RAD51B: variants seen among roughly 807,000 people sequenced by gnomAD.
RAD51B encodes DNA repair protein RAD51 homolog 2.
RAD51B carries 38 observed loss-of-function variants against 42.2 expected under a neutral mutation model. The observed-to-expected ratio is 0.90, with a 90% confidence interval of 0.70 to 1.18. RAD51B has a LOEUF of 1.18. Among genes scored for constraint, RAD51B ranks in the 50% most tolerant of loss-of-function variants. The pLI is 0.00. For synonymous variants in RAD51B, 154 were observed against 145.2 expected, an observed-to-expected ratio of 1.06 and a Z score of -0.43; for missense variants, 373 against 400.7, an observed-to-expected ratio of 0.93 and a Z score of 0.59.
intron 7 of RAD51B, among the ~76,000 whole-genome samples, chr14:68,009,024 T>TA (rs1566575667): frequency 1.3e-5 from 2 of 151,980 alleles, no homozygotes; most frequent in South Asian, 2.1e-4. Context: ...TGATACATTT[T>TA]TAAAAAACTA....
At chr14:68,443,581 T>G (rs2085351932) in intron 9 of RAD51B, among the ~76,000 whole-genome samples, 1 of 152,168 alleles carries the variant, frequency 6.6e-6, no homozygotes, top group Non-Finnish European at 1.5e-5. Flanking sequence ...CCAGGGAATC[T>G]AAGATTCCCT....
chr14:68,262,895 A>G (rs2080917296), intron 7 of RAD51B, among the ~76,000 whole-genome samples: 1 of 152,176 alleles, frequency 6.6e-6, no homozygotes, highest in Admixed American at 6.5e-5. Flanking sequence ...TCTCTTCATC[A>G]AACCTAAGTA....
At chr14:67,846,578 C>G (rs1310452415) in intron 4 of RAD51B, among the ~76,000 whole-genome samples, 1 of 152,102 alleles carries the variant, frequency 6.6e-6, no homozygotes, top group Non-Finnish European at 1.5e-5. Context: ...GGAGGCTGCT[C>G]TACTGGAGCT....
chr14:68,129,388 A>G (rs1205615973), intron 7 of RAD51B, among the ~76,000 whole-genome samples: 9 of 152,188 alleles, frequency 5.9e-5, no homozygotes, highest in African/African-American at 2.2e-4. Context: ...TTCTTTAACT[A>G]GAGAATAATT....
At chr14:68,310,607 A>C (rs1444033446) in intron 8 of RAD51B, among the ~76,000 whole-genome samples, 1 of 152,156 alleles carries the variant, frequency 6.6e-6, no homozygotes, top group African/African-American at 2.4e-5. Context: ...GCACTTTGGG[A>C]GGCCGAGGTG....
chr14:68,521,980 G>A (rs921112078), intron 10 of RAD51B, among the ~76,000 whole-genome samples: 1 of 152,216 alleles, frequency 6.6e-6, no homozygotes, highest in Non-Finnish European at 1.5e-5. Flanking sequence ...ACGCTATAAG[G>A]TTGGGTCGGT....
At chr14:67,833,330 C>A (rs1349225772) in intron 3 of RAD51B, among the ~76,000 whole-genome samples, 1 of 152,042 alleles carries the variant, frequency 6.6e-6, no homozygotes, top group Non-Finnish European at 1.5e-5. Context: ...GAGCTGAGAT[C>A]GCATCACTGC....
chr14:68,468,144 AC>A, intron 9 of RAD51B, 27 bp from the exon 10 acceptor site: 7 of 1,599,584 alleles, frequency 4.4e-6, no homozygotes, highest in Non-Finnish European at 5.1e-6. Flanking sequence ...CCTTTGACTA[AC>A]CCTAGAAAAA....
intron 4 of RAD51B, among the ~76,000 whole-genome samples, chr14:67,844,421 T>C (rs1207619841): frequency 2.0e-5 from 3 of 151,902 alleles, no homozygotes; most frequent in Non-Finnish European, 4.4e-5. Context: ...TCTGTCTTAA[T>C]GATCTGTCTT....
At chr14:68,363,938 T>C (rs759961522) in intron 8 of RAD51B, among the ~76,000 whole-genome samples, 3 of 152,214 alleles carry the variant, frequency 2.0e-5, no homozygotes, top group Non-Finnish European at 4.4e-5. Flanking sequence ...GGAAGTTGTG[T>C]GGTGGGAAGG....
intron 7 of RAD51B, among the ~76,000 whole-genome samples, chr14:67,983,873 CA>C (rs1185603080): frequency 6.6e-6 from 1 of 151,534 alleles, no homozygotes; most frequent in Non-Finnish European, 1.5e-5. Flanking sequence ...GATATAAAAC[CA>C]CCGAGGTCTA....
At chr14:67,986,382 T>C (rs2075193633) in intron 7 of RAD51B, among the ~76,000 whole-genome samples, 1 of 152,218 alleles carries the variant, frequency 6.6e-6, no homozygotes, top group African/African-American at 2.4e-5. Flanking sequence ...TTTTATTTTA[T>C]TGAATCTTGA....
chr14:68,499,685 G>A (rs1884785631), intron 10 of RAD51B, among the ~76,000 whole-genome samples: 1 of 152,130 alleles, frequency 6.6e-6, no homozygotes, highest in Non-Finnish European at 1.5e-5. Context: ...AGACACAGAG[G>A]AGGACAGTCA....
chr14:68,231,540 G>A (rs536384242), intron 7 of RAD51B, among the ~76,000 whole-genome samples: 3 of 152,214 alleles, frequency 2.0e-5, no homozygotes, highest in South Asian at 4.1e-4. Flanking sequence ...TGTGCCAAAA[G>A]GCAAAATCCC....
chr14:67,965,838 A>G (rs1295190904), intron 7 of RAD51B, among the ~76,000 whole-genome samples: 2 of 152,048 alleles, frequency 1.3e-5, no homozygotes, highest in Non-Finnish European at 2.9e-5. Context: ...TACAAAGAGT[A>G]CTCTTGACAA....
chr14:68,595,366 A>G, exon 11 of RAD51B: 1 of 1,066,454 alleles, frequency 9.4e-7, no homozygotes, highest in Non-Finnish European at 1.1e-6. Context: ...AAATCAGTCA[A>G]GGGAGCCTGT....
At chr14:68,069,865 A>G (rs1289187263) in intron 7 of RAD51B, among the ~76,000 whole-genome samples, 1 of 152,048 alleles carries the variant, frequency 6.6e-6, no homozygotes, top group East Asian at 1.9e-4. Context: ...GAAGTCTCCA[A>G]ACTTTCTACA....
chr14:68,003,522 G>A (rs927320031), intron 7 of RAD51B, among the ~76,000 whole-genome samples: 1 of 152,086 alleles, frequency 6.6e-6, no homozygotes, highest in African/African-American at 2.4e-5. Context: ...TCTTTCTCTT[G>A]CCTGTTTCCC....
chr14:68,545,723 C>A, intron 10 of RAD51B: 1 of 439,372 alleles, frequency 2.3e-6, no homozygotes, highest in South Asian at 1.6e-5. Context: ...TGTTATCTGC[C>A]AAGAGTGAAG....
Sources: allele counts gnomAD v4.1 joint callset (sites outside exome capture counted in the v4.1 genomes callset), GRCh38; gene constraint gnomAD v4.1.1; transcripts MANE v1.5; gene names NCBI Gene and HGNC (gene_info 2026-07-23, HGNC 2026-07-21).